ARRB1: variants seen among roughly 807,000 people sequenced by gnomAD.
The protein encoded by ARRB1 is arrestin beta 1.
ARRB1 carries 21 observed loss-of-function variants against 56.8 expected under a neutral mutation model. The observed-to-expected ratio is 0.37, with a 90% CI of 0.26 to 0.53. The LOEUF is 0.53. Ranked by LOEUF, ARRB1 falls within the 20% of genes least tolerant of loss-of-function variation. The probability of loss-of-function intolerance (pLI) is 0.88; values close to 1 mark genes in which losing one functional copy is unlikely to be tolerated. For missense variants in ARRB1, 424 were observed against 553.7 expected, an observed-to-expected ratio of 0.77 and a Z score of 2.35; for synonymous variants, 210 against 218.6, an observed-to-expected ratio of 0.96 and a Z score of 0.35.
Position 75,277,351 on chromosome 11 carries a change from C to T in ARRB1, c.703+13G>A. ...TCTCGCTGTCCCCTAAGCTGACCCT[C>T]TGTCTGGGATACCTGAGATCTTGAT... On this transcript the variant is annotated intron_variant, in intron 9 of 15. Coordinates refer to ENST00000420843, the MANE Select transcript of ARRB1 (RefSeq NM_004041.5). 2 of 1,613,154 alleles carry T rather than the reference C, an allele frequency of 1.2e-6. No individual in the cohort carries two copies. Among genetic ancestry groups the T allele is most frequent in the Non-Finnish European group, 1.7e-6 (2 of 1,179,072 alleles).
intron 1 of ARRB1, chr11:75,303,591 G>A (rs1020969302): frequency 4.4e-6 from 2 of 456,150 alleles, no homozygotes; most frequent in African/African-American, 4.0e-5. Flanking sequence ...GCCTGGGGCT[G>A]TTTTTACCTG....
intron 6 of ARRB1, 86 bp downstream of exon 6, chr11:75,281,876 G>T: frequency 7.1e-7 from 1 of 1,402,436 alleles, no homozygotes; most frequent in Non-Finnish European, 1.0e-6. Context: ...GGTCCTGTGT[G>T]TCCAGCACCT....
intron 1 of ARRB1, among the ~76,000 whole-genome samples, chr11:75,307,163 G>A (rs1335163013): frequency 6.6e-6 from 1 of 152,166 alleles, no homozygotes; most frequent in African/African-American, 2.4e-5. Flanking sequence ...CCCCACAGCA[G>A]CCAAGTTTAT....
chr11:75,267,622 C>G (rs1945957319), intron 15 of ARRB1, 30 bp downstream of exon 15: 5 of 1,595,500 alleles, frequency 3.1e-6, no homozygotes, highest in Non-Finnish European at 4.3e-6. Flanking sequence ...CGGCCCACCC[C>G]CGGATGTCTG....
Position 75,286,255 on chromosome 11 carries a change from C to CTTT in ARRB1, c.112+1057_112+1059dup, listed in dbSNP as rs60988072. 1.9e-3 allele frequency among the ~76,000 whole-genome samples: 74 copies of CTTT among 38,738 alleles called. 11 individuals are homozygous for CTTT. The highest frequency in any genetic ancestry group is 6.2e-3 in the African/African-American group (58 of 9,284). The allele number at this position is 38,738 out of a possible 152,430, so 25.4% of individuals were successfully genotyped here. A position where few individuals can be genotyped will look rare whatever the true frequency, so the allele number is the denominator to read the frequency against. Reference sequence around the variant, plus strand: ...CTAGGCCTCACTTTGATTTGCTCATCTTTTTTTTTTTTTTTTTTTTTTTTT... The same window carrying CTTT: ...CTAGGCCTCACTTTGATTTGCTCATCTTTTTTTTTTTTTTTTTTTTTTTTTTTT... On this transcript the variant is annotated intron_variant, in intron 3 of 15. Transcript: ENST00000420843.
At chr11:75,279,554 C>T (rs2140418958) in intron 7 of ARRB1, among the ~76,000 whole-genome samples, 1 of 152,334 alleles carries the variant, frequency 6.6e-6, no homozygotes, top group Non-Finnish European at 1.5e-5. Flanking sequence ...ACTCCCAGCT[C>T]TCCTCTTACT....
intron 1 of ARRB1, among the ~76,000 whole-genome samples, chr11:75,310,360 G>A (rs1298422329): frequency 6.6e-6 from 1 of 152,166 alleles, no homozygotes; most frequent in Non-Finnish European, 1.5e-5. Flanking sequence ...GAACACCAAG[G>A]GGAACAAGGC....
In ARRB1 at chr11:75,274,070, T is replaced by C. The variant is rs750072578; in HGVS notation, c.914+4A>G. On this transcript the variant is annotated splice_donor_region_variant and intron_variant, in intron 11 of 15. Coordinates refer to ENST00000420843, the MANE Select transcript of ARRB1 (RefSeq NM_004041.5). ...AGCCCAGGGCTAGGAGGGCAGGTCC[T>C]CACAGGGTGCTAGAGGCCAAGTTCG... 2.5e-6 allele frequency: 4 copies of C among 1,614,000 alleles called. No homozygotes were observed. The highest frequency in any genetic ancestry group is 3.4e-6 in the Non-Finnish European group (4 of 1,179,976).
chr11:75,272,579 GC>G (rs1946094017), intron 12 of ARRB1, among the ~76,000 whole-genome samples: 1 of 152,182 alleles, frequency 6.6e-6, no homozygotes, highest in African/African-American at 2.4e-5. Flanking sequence ...GGACCCCACA[GC>G]AAAGACTCTG....
intron 1 of ARRB1, among the ~76,000 whole-genome samples, chr11:75,296,241 A>C (rs1946747262): frequency 6.6e-6 from 1 of 151,530 alleles, no homozygotes; most frequent in Admixed American, 6.6e-5. Flanking sequence ...GTTTCAGGTG[A>C]ATGTGTGTGT....
chr11:75,269,677 C>T (rs1040065095), intron 13 of ARRB1, among the ~76,000 whole-genome samples: 1 of 152,228 alleles, frequency 6.6e-6, no homozygotes, highest in Non-Finnish European at 1.5e-5. Context: ...CTGTAAGCCC[C>T]TTCCATAGAG....
At chr11:75,327,135 T>C (rs181706920) in intron 1 of ARRB1, among the ~76,000 whole-genome samples, 1 of 151,696 alleles carries the variant, frequency 6.6e-6, no homozygotes, top group East Asian at 2.0e-4. Flanking sequence ...ACCCTGTCTC[T>C]ACTAAAAATA....
At chr11:75,340,069 C>G (rs983126272) in intron 1 of ARRB1, among the ~76,000 whole-genome samples, 5 of 152,310 alleles carry the variant, frequency 3.3e-5, no homozygotes, top group Middle Eastern at 3.4e-3. Context: ...GGGACAGGCC[C>G]GGCCACTTCG....
At chr11:75,338,112 G>A (rs1026467934) in intron 1 of ARRB1, among the ~76,000 whole-genome samples, 4 of 152,090 alleles carry the variant, frequency 2.6e-5, no homozygotes, top group African/African-American at 9.7e-5. Context: ...GGGGACAGCT[G>A]GGAAAGGAGT....
At chr11:75,292,120 C>G (rs938120971) in intron 1 of ARRB1, among the ~76,000 whole-genome samples, 1 of 137,992 alleles carries the variant, frequency 7.2e-6, no homozygotes, top group Non-Finnish European at 1.6e-5. Flanking sequence ...GGCTTTTCTC[C>G]TGCTCATAAA....
intron 1 of ARRB1, among the ~76,000 whole-genome samples, chr11:75,323,813 C>G (rs1288373296): frequency 6.6e-6 from 1 of 152,012 alleles, no homozygotes; most frequent in Non-Finnish European, 1.5e-5. Flanking sequence ...CGGGATAGCT[C>G]CAAAGCTAAT....
chr11:75,317,063 C>T (rs7102956), intron 1 of ARRB1, among the ~76,000 whole-genome samples: 2,595 of 152,210 alleles, frequency 0.017, 79 homozygotes, highest in African/African-American at 0.059. Flanking sequence ...AGCGAGACTC[C>T]GTCTCAAAAT....
intron 5 of ARRB1, among the ~76,000 whole-genome samples, chr11:75,282,291 T>C (rs1288062349): frequency 6.6e-6 from 1 of 152,214 alleles, no homozygotes; most frequent in Non-Finnish European, 1.5e-5. Flanking sequence ...GGCAGAATAA[T>C]GTTCCCCAAA....
rs558332784 is a variant in ARRB1 at position 75,318,455 on chromosome 11, C to T, written c.21-28416G>A. On this transcript the variant is annotated intron_variant, in intron 1 of 15. Transcript: ENST00000420843. ...CGATAATCCCAGAACTTTGGGAGGC[C>T]GAGGTGGGCGGGGCACCTGAGGTCA... is the stretch of plus-strand genomic sequence containing the variant. 1.2e-4 allele frequency among the ~76,000 whole-genome samples: 19 copies of T among 152,220 alleles called. No homozygotes were observed. In the South Asian group the frequency reaches 3.7e-3, roughly 30 times the overall value.
Sources: allele counts gnomAD v4.1 joint callset (sites outside exome capture counted in the v4.1 genomes callset), GRCh38; gene constraint gnomAD v4.1.1; transcripts MANE v1.5; gene names NCBI Gene and HGNC (gene_info 2026-07-23, HGNC 2026-07-21).